Variants in SNX24 observed in about 807,000 individuals in gnomAD.
The protein encoded by SNX24 is sorting nexin-24.
In SNX24, 22 loss-of-function variants were observed where a neutral mutation model predicts 28.7. That is an observed-to-expected ratio of 0.77 (90% CI 0.55 to 1.10). The LOEUF (loss-of-function observed/expected upper bound fraction) is 1.10, where lower values mean the gene tolerates loss of function less well. SNX24 is among the 50% of genes least tolerant of loss of function. The pLI is 0.00. For synonymous variants in SNX24, 69 were observed against 71.5 expected (o/e 0.96, Z 0.18); for missense variants, 221 against 201.1 (o/e 1.10, Z -0.60).
At chr5:122,965,722 G>A (rs1201457344) in intron 3 of SNX24, among the ~76,000 whole-genome samples, 1 of 152,062 alleles carries the variant, frequency 6.6e-6, no homozygotes, top group African/African-American at 2.4e-5. Context: ...CTGGACCTTC[G>A]GAAATCTAAT....
At chr5:122,893,174 A>G (rs1351885580) in intron 1 of SNX24, among the ~76,000 whole-genome samples, 1 of 152,038 alleles carries the variant, frequency 6.6e-6, no homozygotes, top group Non-Finnish European at 1.5e-5. Context: ...AAAAAAAAAA[A>G]ATTCAAAGTG....
intron 3 of SNX24, among the ~76,000 whole-genome samples, chr5:122,951,707 A>G (rs1446897794): frequency 6.6e-6 from 1 of 152,224 alleles, no homozygotes; most frequent in Non-Finnish European, 1.5e-5. Context: ...AGGAAGAACA[A>G]TGTTAACAAC....
intron 1 of SNX24, among the ~76,000 whole-genome samples, chr5:122,917,724 A>G (rs937539713): frequency 1.3e-5 from 2 of 152,222 alleles, no homozygotes; most frequent in Non-Finnish European, 2.9e-5. Flanking sequence ...AAGTAAATGT[A>G]AGATAGAATT....
chr5:122,920,745 T>C (rs1758396467), intron 1 of SNX24, among the ~76,000 whole-genome samples: 1 of 152,236 alleles, frequency 6.6e-6, no homozygotes, highest in African/African-American at 2.4e-5. Flanking sequence ...CTCAGGTTTG[T>C]GCTTCACAGA....
chr5:122,927,500 A>G (rs1758755106), intron 1 of SNX24, among the ~76,000 whole-genome samples: 1 of 152,214 alleles, frequency 6.6e-6, no homozygotes, highest in Admixed American at 6.5e-5. Context: ...GGGGAATGCC[A>G]GTATTTCCTT....
intron 1 of SNX24, among the ~76,000 whole-genome samples, chr5:122,876,912 A>G (rs1198961376): frequency 6.6e-6 from 1 of 152,210 alleles, no homozygotes; most frequent in African/African-American, 2.4e-5. Flanking sequence ...ACATTATATC[A>G]TGGACGATAG....
intron 3 of SNX24, among the ~76,000 whole-genome samples, chr5:122,976,110 T>C (rs1302246003): frequency 1.2e-4 from 18 of 152,176 alleles, no homozygotes; most frequent in Non-Finnish European, 5.9e-5. Context: ...CAAAGAATGC[T>C]TTAAATGTAT....
intron 3 of SNX24, chr5:122,965,360 C>A: frequency 2.4e-6 from 1 of 424,892 alleles, no homozygotes; most frequent in South Asian, 1.7e-5. Context: ...GCCACAGGTA[C>A]CTGGATAGCC....
chr5:122,913,976 G>A (rs915811834), intron 1 of SNX24, among the ~76,000 whole-genome samples: 3 of 152,302 alleles, frequency 2.0e-5, no homozygotes, highest in Admixed American at 1.3e-4. Flanking sequence ...CAGGCGTGGC[G>A]GCGCGCACCT....
chr5:122,880,811 A>G (rs868753013), intron 1 of SNX24, among the ~76,000 whole-genome samples: 1 of 152,162 alleles, frequency 6.6e-6, no homozygotes, highest in Non-Finnish European at 1.5e-5. Flanking sequence ...AGGTGATTCA[A>G]ATCTGGGAAC....
intron 3 of SNX24, among the ~76,000 whole-genome samples, chr5:122,999,268 A>G (rs1047103156): frequency 1.3e-5 from 2 of 152,102 alleles, no homozygotes; most frequent in African/African-American, 4.8e-5. Flanking sequence ...TTTTTTCAGC[A>G]TGTACACTGA....
At chr5:122,947,940 A>C (rs1005314727) in intron 3 of SNX24, among the ~76,000 whole-genome samples, 4 of 152,212 alleles carry the variant, frequency 2.6e-5, no homozygotes, top group Admixed American at 2.0e-4. Flanking sequence ...AAATATGTGC[A>C]TAAAATCATC....
intron 3 of SNX24, among the ~76,000 whole-genome samples, chr5:122,949,976 T>C (rs923745087): frequency 3.9e-5 from 6 of 152,222 alleles, no homozygotes; most frequent in African/African-American, 1.4e-4. Context: ...CCTAGAATCA[T>C]TTTCTGTTTA....
At chr5:122,980,454 C>A (rs1761344973) in intron 3 of SNX24, among the ~76,000 whole-genome samples, 1 of 152,052 alleles carries the variant, frequency 6.6e-6, no homozygotes, top group African/African-American at 2.4e-5. Context: ...TGTCTCTTCC[C>A]AATATCCACT....
At chr5:123,023,807 A>AACAAACACACAC (rs1554081581) in intron 5 of SNX24, 12 of 1,294,874 alleles carry the variant, frequency 9.3e-6, no homozygotes, top group Non-Finnish European at 1.2e-5. Context: ...AAGACAACAC[A>AACAAACACACAC]ACACACACAC....
At chr5:123,005,423 C>A (rs1398870989) in intron 6 of SNX24, among the ~76,000 whole-genome samples, 1 of 152,200 alleles carries the variant, frequency 6.6e-6, no homozygotes, top group African/African-American at 2.4e-5. Flanking sequence ...TCCCTCACTT[C>A]CCTGTCTCTG....
chr5:122,946,734 A>G (rs991756914), intron 3 of SNX24, among the ~76,000 whole-genome samples: 2 of 152,224 alleles, frequency 1.3e-5, no homozygotes, highest in Non-Finnish European at 2.9e-5. Flanking sequence ...GAATAGGACA[A>G]AGACCGTCTC....
At chr5:123,021,232 T>G (rs1487798023) in intron 5 of SNX24, among the ~76,000 whole-genome samples, 3 of 152,082 alleles carry the variant, frequency 2.0e-5, no homozygotes, top group Admixed American at 1.3e-4. Context: ...TATATATTCA[T>G]GTAGTATAAT....
intron 1 of SNX24, among the ~76,000 whole-genome samples, chr5:122,896,677 C>G (rs547909414): frequency 1.8e-4 from 27 of 152,274 alleles, no homozygotes; most frequent in African/African-American, 5.5e-4. Context: ...ACCATATGTA[C>G]TGTCGGGAAA....
Sources: gnomAD v4.1 joint callset for allele counts (sites outside exome capture counted in the v4.1 genomes callset) on GRCh38, gnomAD v4.1.1 for gene constraint, MANE v1.5 for transcripts, NCBI Gene and HGNC (gene_info 2026-07-23, HGNC 2026-07-21) for gene names.